The following MBTD1 variants were observed in gnomAD, a reference collection of about 807,000 sequenced individuals.
The protein encoded by MBTD1 is MBT domain-containing protein 1.
A neutral mutation model predicts 87.8 loss-of-function variants in MBTD1; 24 were observed. That is an observed-to-expected ratio of 0.27 (90% CI 0.20 to 0.38). The LOEUF (loss-of-function observed/expected upper bound fraction) is 0.38, where lower values mean the gene tolerates loss of function less well. Among genes scored for constraint, MBTD1 ranks in the 10% least tolerant of loss-of-function variants. The pLI is 1.00. For missense variants in MBTD1, 436 were observed against 760.2 expected, an observed-to-expected ratio of 0.57 and a Z score of 5.02; for synonymous variants, 237 against 248.6, an observed-to-expected ratio of 0.95 and a Z score of 0.44.
At position 51,246,030 on chromosome 17, in the gene MBTD1, C is replaced by A. The variant is rs573394164; in HGVS notation, c.-49+13113G>T. On this transcript the variant is annotated intron_variant, in intron 2 of 16. Coordinates refer to ENST00000586178, the MANE Select transcript of MBTD1 (RefSeq NM_017643.3). The stretch of plus-strand genomic sequence containing the variant: ...GTCTTTTGGGAATGTTTTATATAGC[C>A]TGCTTCACATAGGTTTTTAACAACG... Among the ~76,000 whole-genome samples the A allele has an allele frequency of 3.0e-3, 463 of 152,286 alleles. 2 individuals carry two copies. The highest frequency in any genetic ancestry group is 5.4e-3 in the Non-Finnish European group (365 of 68,028).
chr17:51,184,298 T>C (rs1187944415), intron 16 of MBTD1: 1 of 152,234 alleles, frequency 6.6e-6, no homozygotes. Context: ...TCTACACAAA[T>C]GCCTTTTCTT....
At chr17:51,231,814 T>TG (rs2053565591) in intron 2 of MBTD1, among the ~76,000 whole-genome samples, 1 of 152,128 alleles carries the variant, frequency 6.6e-6, no homozygotes, top group African/African-American at 2.4e-5. Context: ...AGTGATTTTT[T>TG]TTTTTGTACT....
chr17:51,234,227 T>C (rs2053697028), intron 2 of MBTD1, among the ~76,000 whole-genome samples: 1 of 151,686 alleles, frequency 6.6e-6, no homozygotes, highest in African/African-American at 2.4e-5. Context: ...ACCCCATCTC[T>C]ACTAAAAATA....
intron 3 of MBTD1, among the ~76,000 whole-genome samples, chr17:51,223,162 A>C (rs779982792): frequency 4.6e-5 from 7 of 152,096 alleles, no homozygotes; most frequent in African/African-American, 1.7e-4. Flanking sequence ...AGAATTATCA[A>C]AACTGAAAAT....
upstream of MBTD1, chr17:51,260,797 G>C: frequency 6.3e-7 from 1 of 1,580,978 alleles, no homozygotes; most frequent in Non-Finnish European, 8.6e-7. Context: ...AAGAGAGACG[G>C]CTCCGGCAGC....
intron 6 of MBTD1, 61 bp from the exon 7 acceptor site, chr17:51,207,066 G>A: frequency 3.4e-6 from 3 of 880,170 alleles, no homozygotes; most frequent in African/African-American, 1.7e-5. Context: ...ACATATCAAT[G>A]AAAATTAAGC....
At chr17:51,259,320 C>T (rs1390098813) in intron 1 of MBTD1, 114 bp from the exon 2 acceptor site, 4 of 1,168,440 alleles carry the variant, frequency 3.4e-6, no homozygotes, top group East Asian at 6.4e-5. Flanking sequence ...AACACCACTC[C>T]CACCTCTCCC....
At chr17:51,227,227 G>T (rs2053272223) in intron 2 of MBTD1, among the ~76,000 whole-genome samples, 1 of 126,864 alleles carries the variant, frequency 7.9e-6, no homozygotes, top group Non-Finnish European at 1.6e-5. Context: ...GGGTGACAGA[G>T]CGAGACTCTG....
intron 2 of MBTD1, among the ~76,000 whole-genome samples, chr17:51,235,276 C>A (rs373388331): frequency 1.3e-5 from 2 of 152,074 alleles, no homozygotes; most frequent in Non-Finnish European, 2.9e-5. Flanking sequence ...GCTGGGATTA[C>A]AGGCATGTGC....
intron 2 of MBTD1, among the ~76,000 whole-genome samples, chr17:51,247,944 T>C (rs969981799): frequency 1.3e-5 from 2 of 152,214 alleles, no homozygotes; most frequent in African/African-American, 4.8e-5. Flanking sequence ...ATGAGGTCAA[T>C]TTTATTAAAC....
In MBTD1 at chr17:51,202,046, A is replaced by G; in HGVS notation, c.1095T>C (p.Asp365=). 1 of 1,607,718 alleles carries G rather than the reference A, an allele frequency of 6.2e-7. No homozygotes were observed. The highest frequency in any genetic ancestry group is 8.5e-7 in the Non-Finnish European group (1 of 1,174,984). ...DITKKQDGHF[D]TPPHLFAKVK... ...CCTTAGCAAATAAATGTGGTGGTGT[A>G]TCAAAATGTCCATCCTGTTTCTTTG... is the stretch of plus-strand genomic sequence containing the variant. Residue 365 remains aspartate (D), a synonymous_variant, in exon 11 of 17, where the codon GAT becomes GAC. Coordinates refer to ENST00000586178, the MANE Select transcript of MBTD1 (RefSeq NM_017643.3).
At chr17:51,188,820 C>A (rs1055942756) in intron 16 of MBTD1, among the ~76,000 whole-genome samples, 1 of 136,756 alleles carries the variant, frequency 7.3e-6, no homozygotes, top group South Asian at 2.2e-4. Context: ...AGTGCAATGG[C>A]GCGATCTCGG....
chr17:51,260,623 G>A (rs371628195), upstream of MBTD1: 26 of 1,612,620 alleles, frequency 1.6e-5, no homozygotes, highest in African/African-American at 2.4e-4. Context: ...AACTGGACCG[G>A]AGAACCGGAG....
At chr17:51,239,164 G>A (rs1486457029) in intron 2 of MBTD1, among the ~76,000 whole-genome samples, 1 of 151,216 alleles carries the variant, frequency 6.6e-6, no homozygotes. Context: ...ATTTCCCAAT[G>A]AGATTAAAAA....
chr17:51,222,591 T>G (rs2143659166), intron 3 of MBTD1, among the ~76,000 whole-genome samples: 1 of 149,400 alleles, frequency 6.7e-6, no homozygotes, highest in South Asian at 2.1e-4. Flanking sequence ...AGAGATGGGG[T>G]TTCACCATGT....
chr17:51,252,758 A>G (rs1442764754), intron 2 of MBTD1, among the ~76,000 whole-genome samples: 1 of 151,938 alleles, frequency 6.6e-6, no homozygotes, highest in East Asian at 1.9e-4. Context: ...CAACAAAACA[A>G]AACCCCAAAA....
chr17:51,236,346 A>G (rs2053836605), intron 2 of MBTD1, among the ~76,000 whole-genome samples: 1 of 152,092 alleles, frequency 6.6e-6, no homozygotes. Flanking sequence ...CCTGGGTTCA[A>G]GCGATTCTCC....
intron 1 of MBTD1, 41 bp downstream of exon 1, chr17:51,259,794 C>T: frequency 8.1e-7 from 1 of 1,232,746 alleles, no homozygotes. Flanking sequence ...AGGCGTCCCC[C>T]CCACCTGGCA....
chr17:51,260,619 A>T, upstream of MBTD1: 1 of 1,612,634 alleles, frequency 6.2e-7, no homozygotes, highest in Non-Finnish European at 8.5e-7. Context: ...ATGAAACTGG[A>T]CCGGAGAACC....
Sources: allele counts gnomAD v4.1 joint callset (sites outside exome capture counted in the v4.1 genomes callset), GRCh38; gene constraint gnomAD v4.1.1; transcripts MANE v1.5; gene names NCBI Gene and HGNC (gene_info 2026-07-23, HGNC 2026-07-21).